The following PLA2G5 variants were observed in gnomAD, a reference collection of about 807,000 sequenced individuals.
PLA2G5 encodes phospholipase A2 group V.
PLA2G5 carries 12 observed loss-of-function variants against 15.9 expected under a neutral mutation model. The observed-to-expected ratio is 0.76, with a 90% CI of 0.48 to 1.23. The LOEUF (loss-of-function observed/expected upper bound fraction) is 1.23. Among genes scored for constraint, PLA2G5 ranks in the 50% most tolerant of loss-of-function variants. PLA2G5 has a pLI of 0.00. For synonymous variants in PLA2G5, 71 were observed against 71.4 expected (o/e 0.99, Z 0.03); for missense variants, 169 against 177.1 (o/e 0.95, Z 0.26).
At chr1:20,084,479 G>A (rs932021376) in intron 1 of PLA2G5, among the ~76,000 whole-genome samples, 1 of 152,074 alleles carries the variant, frequency 6.6e-6, no homozygotes, top group Non-Finnish European at 1.5e-5. Flanking sequence ...GCTTCTCCAC[G>A]TATGCCACCA....
At chr1:20,049,359 A>G (rs2014071015) in intron 1 of PLA2G5, among the ~76,000 whole-genome samples, 1 of 152,236 alleles carries the variant, frequency 6.6e-6, no homozygotes, top group African/African-American at 2.4e-5. Context: ...TAAAAAACTC[A>G]TACACTAAAT....
At chr1:20,089,516 GC>G (rs1407669872) in intron 3 of PLA2G5, among the ~76,000 whole-genome samples, 1 of 152,234 alleles carries the variant, frequency 6.6e-6, no homozygotes, top group East Asian at 1.9e-4. Flanking sequence ...ACCTCCCCTG[GC>G]CAGGACCAAA....
chr1:20,043,413 G>A (rs1256690141), intron 1 of PLA2G5, among the ~76,000 whole-genome samples: 1 of 152,306 alleles, frequency 6.6e-6, no homozygotes, highest in South Asian at 2.1e-4. Context: ...TTTAAAGCCT[G>A]CTGTGGGATG....
intron 1 of PLA2G5, among the ~76,000 whole-genome samples, chr1:20,049,883 A>G (rs143985544): frequency 6.6e-6 from 1 of 152,302 alleles, no homozygotes; most frequent in African/African-American, 2.4e-5. Flanking sequence ...TGAAATAGTA[A>G]CGCTCTCCTT....
chr1:20,059,358 A>T (rs573696534), intron 1 of PLA2G5, among the ~76,000 whole-genome samples: 51 of 152,070 alleles, frequency 3.4e-4, no homozygotes, highest in African/African-American at 1.2e-3. Flanking sequence ...AGCCTAGGAC[A>T]TCATGGCTGC....
intron 3 of PLA2G5, among the ~76,000 whole-genome samples, chr1:20,086,689 G>A (rs2016313297): frequency 6.6e-6 from 1 of 152,192 alleles, no homozygotes; most frequent in African/African-American, 2.4e-5. Context: ...TGACTCTTGG[G>A]TTGCAAGAGT....
chr1:20,079,113 C>CAAA (rs5772882), intron 1 of PLA2G5, among the ~76,000 whole-genome samples: 2 of 103,052 alleles, frequency 1.9e-5, no homozygotes, highest in Admixed American at 1.0e-4. Flanking sequence ...GACCCTGTCT[C>CAAA]AAAAAAAAAA....
chr1:20,064,938 T>A lies in PLA2G5; in HGVS notation n.338-3935T>A, dbSNP rs545421733. ...CCTGTATCTTAGCAAGATCCCCCAG[T>A]TGACTTGTAGACACAGGAAAATTTG... On this transcript the variant is annotated intron_variant and non_coding_transcript_variant, in intron 2 of 6. Transcript: ENST00000460175. 5.9e-5 allele frequency among the ~76,000 whole-genome samples: 9 copies of A among 152,288 alleles called. No individual in the cohort carries two copies. In the East Asian group the frequency reaches 1.7e-3, roughly 29 times the overall value.
chr1:20,043,581 G>A (rs1569656400), intron 1 of PLA2G5, among the ~76,000 whole-genome samples: 1 of 152,156 alleles, frequency 6.6e-6, no homozygotes, highest in East Asian at 1.9e-4. Context: ...GGGTTGGGAA[G>A]AAGGGTGGCA....
At chr1:20,040,604 AC>A (rs1569643259) in intron 1 of PLA2G5, among the ~76,000 whole-genome samples, 2 of 150,536 alleles carry the variant, frequency 1.3e-5, no homozygotes, top group Non-Finnish European at 3.0e-5. Context: ...ACACACACAC[AC>A]AAACACTCAC....
At chr1:20,068,791 A>G (rs2015187863), upstream of PLA2G5, 4 of 389,036 alleles carry the variant, frequency 1.0e-5, no homozygotes, top group Non-Finnish European at 1.8e-5. Context: ...ATAAAAGACA[A>G]CTGGCATGCT....
chr1:20,059,439 G>A (rs533624666), intron 1 of PLA2G5, among the ~76,000 whole-genome samples: 5 of 152,074 alleles, frequency 3.3e-5, no homozygotes, highest in African/African-American at 1.2e-4. Flanking sequence ...AAAAGAGAGA[G>A]AGAGAAAGAC....
At chr1:20,064,142 C>T (rs1422375101) in intron 2 of PLA2G5, among the ~76,000 whole-genome samples, 1 of 152,152 alleles carries the variant, frequency 6.6e-6, no homozygotes, top group Non-Finnish European at 1.5e-5. Context: ...CAGGGAATCC[C>T]AATGCCTTTG....
intron 1 of PLA2G5, among the ~76,000 whole-genome samples, chr1:20,075,192 T>C (rs887993233): frequency 7.2e-5 from 11 of 152,182 alleles, no homozygotes; most frequent in African/African-American, 2.4e-4. Context: ...TCTCTTCTTA[T>C]AGAACTCAGG....
chr1:20,060,499 T>C lies in PLA2G5; in HGVS notation n.337+807T>C, dbSNP rs188563962. ...AACTCCTGACCTCAGGTGATCTGCC[T>C]ACCTCGGCCTCTCAAAGTGCTGGTA... On this transcript the variant is annotated intron_variant and non_coding_transcript_variant, in intron 2 of 6. Transcript: ENST00000460175. Among the ~76,000 whole-genome samples the C allele has an allele frequency of 3.5e-3, 539 of 152,094 alleles. 4 individuals carry two copies. Among genetic ancestry groups the C allele is most frequent in the African/African-American group, 0.011 (457 of 41,508 alleles).
At chr1:20,085,958 T>C in intron 2 of PLA2G5, 125 bp from the exon 3 acceptor site, 1 of 885,808 alleles carries the variant, frequency 1.1e-6, no homozygotes, top group Non-Finnish European at 1.7e-6. Context: ...ATGGAGAGAA[T>C]AAAAAAGAGA....
At chr1:20,059,702 C>T (rs549390673) in intron 2 of PLA2G5, 1 of 152,312 alleles carries the variant, frequency 6.6e-6, no homozygotes, top group Admixed American at 6.5e-5. Context: ...GGTAAGCTTT[C>T]ATCCATTTTA....
At chr1:20,057,726 T>C (rs1236197089) in intron 1 of PLA2G5, among the ~76,000 whole-genome samples, 1 of 152,228 alleles carries the variant, frequency 6.6e-6, no homozygotes, top group Admixed American at 6.5e-5. Context: ...CTCAAACTCC[T>C]GACCTCAGGT....
At chr1:20,067,738 G>A (rs1206764361), upstream of PLA2G5, among the ~76,000 whole-genome samples, 3 of 151,934 alleles carry the variant, frequency 2.0e-5, no homozygotes, top group African/African-American at 7.3e-5. Context: ...TAGGGCAAGT[G>A]TAGAAAAATA....
Sources: gnomAD v4.1 joint callset for allele counts (sites outside exome capture counted in the v4.1 genomes callset) on GRCh38, gnomAD v4.1.1 for gene constraint, MANE v1.5 for transcripts, NCBI Gene and HGNC (gene_info 2026-07-23, HGNC 2026-07-21) for gene names.